The following ANKRD17 variants were observed in gnomAD, a reference collection of about 807,000 sequenced individuals.
The protein encoded by ANKRD17 is ankyrin repeat domain 17.
In ANKRD17, 19 loss-of-function variants were observed where a neutral mutation model predicts 229.7. The observed-to-expected ratio is 0.08, with a 90% CI of 0.06 to 0.12. ANKRD17 has a LOEUF of 0.12. Ranked by LOEUF, ANKRD17 falls within the 10% of genes least tolerant of loss-of-function variation. ANKRD17 has a pLI of 1.00. For synonymous variants in ANKRD17, 1,112 were observed against 1,146.1 expected, an observed-to-expected ratio of 0.97 and a Z score of 0.60; for missense variants, 2,176 against 3,176.8, an observed-to-expected ratio of 0.68 and a Z score of 7.57.
rs752495366 is a variant in ANKRD17 at position 73,222,991 on chromosome 4, G to C, written c.393+35285C>G. ...AGCCCTACCTCAAGAATGTCTTCTA[G>C]AACATATGCTTCCATTTCAGCCGCT... On this transcript the variant is annotated intron_variant, in intron 1 of 33. Transcript: ENST00000358602. The C allele has an allele frequency of 5.9e-6, 9 of 1,535,600 alleles. No individual in the cohort carries two copies. The South Asian group carries it at 9.5e-5, about 16-fold the overall frequency.
At chr4:73,176,147 T>A (rs1456351585) in intron 2 of ANKRD17, among the ~76,000 whole-genome samples, 1 of 152,062 alleles carries the variant, frequency 6.6e-6, no homozygotes, top group Non-Finnish European at 1.5e-5. Flanking sequence ...GGTCAAAGAT[T>A]TGAACAGCAT....
At chr4:73,227,137 C>T (rs1422268941) in intron 1 of ANKRD17, among the ~76,000 whole-genome samples, 1 of 152,056 alleles carries the variant, frequency 6.6e-6, no homozygotes, top group Non-Finnish European at 1.5e-5. Flanking sequence ...ATCCTAAAAA[C>T]AAGCCACCTT....
intron 30 of ANKRD17, chr4:73,080,816 G>GT (rs1560490348): frequency 2.0e-5 from 3 of 152,194 alleles, no homozygotes; most frequent in Non-Finnish European, 4.4e-5. Flanking sequence ...ACATTGTTTT[G>GT]TTTTTTATGA....
chr4:73,224,139 C>A (rs780452382), intron 1 of ANKRD17, among the ~76,000 whole-genome samples: 32 of 152,158 alleles, frequency 2.1e-4, no homozygotes, highest in Middle Eastern at 6.8e-3. Flanking sequence ...GCCTGTAATC[C>A]CAGCTACTCA....
intron 25 of ANKRD17, among the ~76,000 whole-genome samples, chr4:73,100,446 A>G (rs1182264844): frequency 6.6e-6 from 1 of 150,914 alleles, no homozygotes; most frequent in Non-Finnish European, 1.5e-5. Flanking sequence ...TCCTATTTGC[A>G]GTTACTTGAA....
chr4:73,191,668 A>G (rs1479349817), intron 1 of ANKRD17, among the ~76,000 whole-genome samples: 1 of 151,966 alleles, frequency 6.6e-6, no homozygotes, highest in African/African-American at 2.4e-5. Flanking sequence ...TTTAAATTTT[A>G]GTAAGAAAAA....
intron 1 of ANKRD17, among the ~76,000 whole-genome samples, chr4:73,218,066 C>T (rs898296713): frequency 6.6e-6 from 1 of 152,044 alleles, no homozygotes; most frequent in Non-Finnish European, 1.5e-5. Context: ...TATACACACG[C>T]GTATGCTGGT....
chr4:73,115,401 G>A (rs148813955), intron 23 of ANKRD17, among the ~76,000 whole-genome samples: 260 of 152,054 alleles, frequency 1.7e-3, no homozygotes, highest in African/African-American at 6.1e-3. Context: ...AGCGATTTTC[G>A]TGCCTCAGCC....
chr4:73,245,800 A>G (rs1020904688), intron 1 of ANKRD17, among the ~76,000 whole-genome samples: 8 of 152,220 alleles, frequency 5.3e-5, no homozygotes, highest in Non-Finnish European at 1.2e-4. Flanking sequence ...AGTAAATAAG[A>G]GAATCAGCTG....
At chr4:73,105,831 C>A (rs1267620771) in intron 24 of ANKRD17, among the ~76,000 whole-genome samples, 2 of 152,108 alleles carry the variant, frequency 1.3e-5, no homozygotes, top group African/African-American at 4.8e-5. Context: ...CCTGATTGTA[C>A]CTCTGCCTTG....
intron 1 of ANKRD17, among the ~76,000 whole-genome samples, chr4:73,183,137 A>G (rs1735800788): frequency 6.6e-6 from 1 of 152,228 alleles, no homozygotes; most frequent in South Asian, 2.1e-4. Context: ...TGAATAGAGT[A>G]AGAACTGTTC....
intron 5 of ANKRD17, 135 bp downstream of exon 5, chr4:73,155,496 A>G: frequency 1.1e-6 from 1 of 939,444 alleles, no homozygotes; most frequent in Non-Finnish European, 1.6e-6. Context: ...CAAAACTCAT[A>G]CACAGATGTG....
At chr4:73,221,183 G>T (rs957682930) in intron 1 of ANKRD17, among the ~76,000 whole-genome samples, 1 of 152,062 alleles carries the variant, frequency 6.6e-6, no homozygotes, top group Non-Finnish European at 1.5e-5. Flanking sequence ...TATTTAGTAT[G>T]ATAGGATGCA....
chr4:73,113,218 G>A, intron 24 of ANKRD17: 1 of 1,288,652 alleles, frequency 7.8e-7, no homozygotes, highest in Non-Finnish European at 1.0e-6. Flanking sequence ...GGCAGAAAAG[G>A]GAAGTGAAGA....
chr4:73,088,484 C>T (rs568906566), intron 29 of ANKRD17, among the ~76,000 whole-genome samples: 113 of 152,020 alleles, frequency 7.4e-4, no homozygotes, highest in Non-Finnish European at 1.4e-3. Flanking sequence ...TTTTTTTGTT[C>T]TCTAAAGCTT....
chr4:73,108,752 T>C (rs929853009), intron 24 of ANKRD17, among the ~76,000 whole-genome samples: 5 of 152,084 alleles, frequency 3.3e-5, no homozygotes, highest in Non-Finnish European at 5.9e-5. Flanking sequence ...TGGAGGTGAC[T>C]GAAAGCGGCG....
intron 29 of ANKRD17, among the ~76,000 whole-genome samples, chr4:73,086,919 AAT>A (rs61024099): frequency 0.016 from 196 of 12,454 alleles, 12 homozygotes; most frequent in Middle Eastern, 0.071. Flanking sequence ...AAAAAAAAAA[AAT>A]ATATATATAT....
intron 23 of ANKRD17, 90 bp from the exon 24 acceptor site, chr4:73,113,998 C>T: frequency 2.3e-6 from 2 of 865,982 alleles, no homozygotes; most frequent in Non-Finnish European, 3.7e-6. Context: ...TAGTAAGGTA[C>T]TCAAACCTAA....
rs1366571101 is a variant in ANKRD17 at position 73,090,607 on chromosome 4, G to C, written c.6961+60C>G. 4 of 1,594,182 alleles carry C rather than the reference G, an allele frequency of 2.5e-6. No homozygotes were observed. In the Admixed American group the frequency reaches 7.1e-5, roughly 28 times the overall value. On this transcript the variant is annotated intron_variant, in intron 29 of 33. Coordinates refer to ENST00000358602, the MANE Select transcript of ANKRD17 (RefSeq NM_032217.5). ...AATAAAAATATTAGAAAATGACCAA[G>C]AATTTTCACATCACTTGTGCAAATG... is the stretch of plus-strand genomic sequence containing the variant.
Sources: allele counts gnomAD v4.1 joint callset (sites outside exome capture counted in the v4.1 genomes callset), GRCh38; gene constraint gnomAD v4.1.1; transcripts MANE v1.5; gene names NCBI Gene and HGNC (gene_info 2026-07-23, HGNC 2026-07-21).